Variants in DNAH12 observed in about 807,000 individuals in gnomAD.
DNAH12 encodes dynein axonemal heavy chain 12.
In DNAH12, 285 loss-of-function variants were observed where a neutral mutation model predicts 371.5. That is an observed-to-expected ratio of 0.77 (90% CI 0.70 to 0.85). The LOEUF (loss-of-function observed/expected upper bound fraction) is 0.85, where lower values mean the gene tolerates loss of function less well. DNAH12 is among the 40% of genes least tolerant of loss of function. The probability of loss-of-function intolerance (pLI) is 0.00; values close to 1 mark genes in which losing one functional copy is unlikely to be tolerated. For missense variants in DNAH12, 3,611 were observed against 3,689.4 expected, an observed-to-expected ratio of 0.98 and a Z score of 0.55; for synonymous variants, 1,200 against 1,213.0, an observed-to-expected ratio of 0.99 and a Z score of 0.22.
intron 3 of DNAH12, 86 bp downstream of exon 3, chr3:57,523,717 A>T (rs1272520799): frequency 7.6e-7 from 1 of 1,319,166 alleles, no homozygotes; most frequent in Non-Finnish European, 1.0e-6. Context: ...TATTCCTTTT[A>T]AAAACATCAG....
At position 57,523,900 on chromosome 3, in the gene DNAH12, A is replaced by G. The variant is rs748852876; in HGVS notation, c.171-16T>C. The G allele has an allele frequency of 6.5e-7, 1 of 1,550,356 alleles. No homozygotes were observed. The highest frequency in any genetic ancestry group is 1.8e-5 in the Admixed American group (1 of 54,770). On this transcript the variant is annotated splice_polypyrimidine_tract_variant and intron_variant, in intron 2 of 73. Coordinates refer to ENST00000495027, the MANE Select transcript of DNAH12 (RefSeq NM_001366028.2). ...TCCATCAATTCTGAAATTTATAGTT[A>G]GAAATATGACTCTCTTGATAACATT...
chr3:57,465,490 A>T (rs1392906755), intron 17 of DNAH12, among the ~76,000 whole-genome samples: 1 of 152,202 alleles, frequency 6.6e-6, no homozygotes, highest in Non-Finnish European at 1.5e-5. Flanking sequence ...ATCCTTCCTG[A>T]ACATAACCTC....
chr3:57,365,354 A>T (rs1381207852), intron 57 of DNAH12, among the ~76,000 whole-genome samples: 1 of 152,234 alleles, frequency 6.6e-6, no homozygotes, highest in African/African-American at 2.4e-5. Flanking sequence ...AAACTAACAC[A>T]AAAACAGAAA....
At chr3:57,301,047 T>C (rs2061333140) in intron 70 of DNAH12, among the ~76,000 whole-genome samples, 5 of 151,976 alleles carry the variant, frequency 3.3e-5, no homozygotes, top group Admixed American at 3.3e-4. Flanking sequence ...CCCAGTGCTT[T>C]GGGAGGCCAA....
intron 17 of DNAH12, among the ~76,000 whole-genome samples, chr3:57,466,142 T>C (rs1348647343): frequency 6.6e-6 from 1 of 152,054 alleles, no homozygotes; most frequent in Non-Finnish European, 1.5e-5. Context: ...AGAAGCTCCC[T>C]ATATACAAGA....
rs2067386371 is a variant in DNAH12 at position 57,498,312 on chromosome 3, T to C, written c.1335+3009A>G. 1.0e-5 allele frequency: 6 copies of C among 576,030 alleles called. No homozygotes were observed. The South Asian group carries it at 1.4e-4, about 14-fold the overall frequency. 35.7% of individuals were successfully genotyped at this position (576,030 alleles called of 1,614,324 possible). A position where few individuals can be genotyped will look rare whatever the true frequency, so the allele number is the denominator to read the frequency against. ...AATGGTATAACAACTTTGAAAGAAA[T>C]TTAAGTTTCTTCTGTTTTTTGAGAC... On this transcript the variant is annotated intron_variant, in intron 11 of 73. Coordinates refer to ENST00000495027, the MANE Select transcript of DNAH12 (RefSeq NM_001366028.2).
intron 11 of DNAH12, among the ~76,000 whole-genome samples, chr3:57,490,771 C>T (rs929678370): frequency 5.3e-5 from 8 of 152,038 alleles, no homozygotes; most frequent in Non-Finnish European, 8.8e-5. Context: ...CTATCTTAAG[C>T]ACCTGCCTTG....
In DNAH12 at chr3:57,301,877, A is replaced by G; in HGVS notation, c.11252T>C (p.Val3751Ala). The change falls in exon 70 of 74, where the codon GTG becomes GCG. Residue 3751 changes from valine to alanine, a missense_variant. Coordinates refer to ENST00000495027, the MANE Select transcript of DNAH12 (RefSeq NM_001366028.2). Reference protein sequence around the residue: ...DLEKAIKGVVVMDSALEALSG... With the variant: ...DLEKAIKGVVAMDSALEALSG... ...GAGTGCCTCCAATGCAGAATCCATC[A>G]CAACCACACCCTTAATAGCTTTTTC... 1 of 1,551,634 alleles carries G rather than the reference A, an allele frequency of 6.4e-7. No homozygotes were observed. The highest frequency in any genetic ancestry group is 8.7e-7 in the Non-Finnish European group (1 of 1,146,974).
intron 25 of DNAH12, among the ~76,000 whole-genome samples, chr3:57,447,022 T>C (rs2065526604): frequency 6.6e-6 from 1 of 152,154 alleles, no homozygotes; most frequent in African/African-American, 2.4e-5. Context: ...AGGACAATAA[T>C]GACACATTCT....
At chr3:57,319,579 T>G (rs1016233233) in intron 65 of DNAH12, among the ~76,000 whole-genome samples, 1 of 152,040 alleles carries the variant, frequency 6.6e-6, no homozygotes, top group African/African-American at 2.4e-5. Context: ...TGTTTTTTGG[T>G]TTTGTTTTGT....
At position 57,542,745 on chromosome 3, in the gene DNAH12, T is replaced by C; in HGVS notation, c.126A>G (p.Lys42=). ...VDTPTQSKLL[K]YRRSKEQQQK... is the part of the protein sequence containing the mutation. ...GCTGCTGCTCCTTGGATCTTCTGTA[T>C]TTTAGCAGCTTACTTTGTGTTGGTG... The change falls in exon 2 of 74, where the codon AAA becomes AAG. Residue 42 remains lysine, a synonymous_variant. Transcript: ENST00000495027. 1 of 1,610,170 alleles carries C rather than the reference T, an allele frequency of 6.2e-7. No individual in the cohort carries two copies. The highest frequency in any genetic ancestry group is 8.5e-7 in the Non-Finnish European group (1 of 1,178,232).
intron 36 of DNAH12, among the ~76,000 whole-genome samples, 172 bp from the exon 37 acceptor site, chr3:57,419,690 G>A (rs1233813376): frequency 6.6e-6 from 1 of 151,978 alleles, no homozygotes. Context: ...TAAGTCATAA[G>A]CAGATTAATA....
At chr3:57,403,288 T>C (rs2063926528) in intron 43 of DNAH12, 21 bp downstream of exon 43, 7 of 1,531,066 alleles carry the variant, frequency 4.6e-6, no homozygotes, top group South Asian at 1.2e-5. Flanking sequence ...TTTTAGATAC[T>C]AGGCTTCTTC....
chr3:57,451,241 C>A (rs576225085), intron 25 of DNAH12, among the ~76,000 whole-genome samples: 2 of 152,350 alleles, frequency 1.3e-5, no homozygotes, highest in Admixed American at 6.5e-5. Context: ...TTACTCAGCA[C>A]AGGTAGAGTG....
chr3:57,541,551 GAT>G (rs2069285880), intron 2 of DNAH12, among the ~76,000 whole-genome samples: 2 of 150,672 alleles, frequency 1.3e-5, no homozygotes, highest in South Asian at 2.1e-4. Context: ...TTTTTATAGC[GAT>G]GAGGGTCTCA....
chr3:57,440,397 C>T (rs1310504402), intron 29 of DNAH12, among the ~76,000 whole-genome samples: 2 of 152,124 alleles, frequency 1.3e-5, no homozygotes, highest in South Asian at 2.1e-4. Context: ...AGCTGGAGGC[C>T]ACTCTCCTAA....
chr3:57,359,597 T>G (rs1179659977), intron 58 of DNAH12, among the ~76,000 whole-genome samples: 4 of 139,760 alleles, frequency 2.9e-5, no homozygotes, highest in Non-Finnish European at 6.3e-5. Context: ...AAGAAAGAAA[T>G]ACTGTGAGTA....
chr3:57,392,199 T>C (rs1180197537), intron 44 of DNAH12, 133 bp from the exon 45 acceptor site: 1 of 152,210 alleles, frequency 6.6e-6, no homozygotes, highest in Non-Finnish European at 1.5e-5. Context: ...TTTATATCAA[T>C]AGAATGGCTT....
chr3:57,341,579 CA>C (rs1464907501), intron 60 of DNAH12, among the ~76,000 whole-genome samples: 1 of 151,390 alleles, frequency 6.6e-6, no homozygotes, highest in African/African-American at 2.4e-5. Context: ...TAAAAAACAC[CA>C]AAAAACAATG....
Sources: allele counts gnomAD v4.1 joint callset (sites outside exome capture counted in the v4.1 genomes callset), GRCh38; gene constraint gnomAD v4.1.1; transcripts MANE v1.5; gene names NCBI Gene and HGNC (gene_info 2026-07-23, HGNC 2026-07-21).